SEL1L3: variants seen among roughly 807,000 people sequenced by gnomAD.
SEL1L3 encodes the protein protein sel-1 homolog 3.
A neutral mutation model predicts 142.8 loss-of-function variants in SEL1L3; 76 were observed. The observed-to-expected ratio is 0.53, with a 90% CI of 0.44 to 0.64. The LOEUF (loss-of-function observed/expected upper bound fraction) is 0.64, where lower values mean the gene tolerates loss of function less well. Among genes scored for constraint, SEL1L3 ranks in the 30% least tolerant of loss-of-function variants. The probability of loss-of-function intolerance (pLI) is 0.00; values close to 1 mark genes in which losing one functional copy is unlikely to be tolerated. For synonymous variants in SEL1L3, 504 were observed against 519.6 expected, an observed-to-expected ratio of 0.97 and a Z score of 0.41; for missense variants, 1,262 against 1,381.7, an observed-to-expected ratio of 0.91 and a Z score of 1.37.
chr4:25,755,251 TTTTTA>T (rs57302921), intron 23 of SEL1L3, among the ~76,000 whole-genome samples: 40,878 of 148,726 alleles, frequency 0.27, 6,133 homozygotes, highest in African/African-American at 0.39. Flanking sequence ...ACCTGGCTAA[TTTTTA>T]TTTTATTTTA....
At chr4:25,739,626 G>A in the SEL1L3 span, among the ~76,000 whole-genome samples, 2 of 151,864 alleles carry the variant, frequency 1.3e-5, no homozygotes, top group Non-Finnish European at 2.9e-5. Flanking sequence ...AGAATTGCTT[G>A]AACCCAGGAT....
intron 10 of SEL1L3, among the ~76,000 whole-genome samples, chr4:25,803,133 C>A (rs560227490): frequency 7.2e-4 from 109 of 152,220 alleles, no homozygotes; most frequent in Non-Finnish European, 1.3e-3. Context: ...CATCCTCACA[C>A]TCTCAGAATG....
intron 20 of SEL1L3, among the ~76,000 whole-genome samples, chr4:25,762,231 G>C (rs1006879316): frequency 6.6e-6 from 1 of 152,240 alleles, no homozygotes; most frequent in Admixed American, 6.5e-5. Context: ...TTACAGGCAT[G>C]AGCCACTGTG....
intron 2 of SEL1L3, among the ~76,000 whole-genome samples, chr4:25,842,850 A>G (rs1716259317): frequency 6.6e-6 from 1 of 152,236 alleles, no homozygotes; most frequent in Non-Finnish European, 1.5e-5. Context: ...AACTAAAGAT[A>G]TTTACTGAAA....
Position 25,788,596 on chromosome 4 carries a change from G to GTGTA in SEL1L3, c.2077-233_2077-232insTACA, listed in dbSNP as rs1712042177. Among the ~76,000 whole-genome samples, 6 of 150,342 alleles carry GTGTA rather than the reference G, an allele frequency of 4.0e-5. No individual in the cohort carries two copies. The highest frequency in any genetic ancestry group is 3.4e-3 in the Middle Eastern group (1 of 294). ...TGTGTGTGTGTGTGTGTGTGTGTGT[G>GTGTA]TGTGTGTGTGTGTGTGTGTGTGTGT... On this transcript the variant is annotated intron_variant, in intron 12 of 23. Coordinates refer to ENST00000399878, the MANE Select transcript of SEL1L3 (RefSeq NM_015187.5). The surrounding 1 kb of genome is among the most constrained non-coding windows in gnomAD (Gnocchi z 5.3).
At chr4:25,734,383 G>A in the SEL1L3 span, among the ~76,000 whole-genome samples, 3 of 151,986 alleles carry the variant, frequency 2.0e-5, no homozygotes, top group Non-Finnish European at 4.4e-5. Flanking sequence ...ATTGGATTTT[G>A]TCAAATGCTT....
intron 16 of SEL1L3, 94 bp from the exon 17 acceptor site, chr4:25,776,454 A>G: frequency 1.2e-6 from 1 of 851,060 alleles, no homozygotes; most frequent in South Asian, 1.6e-5. Flanking sequence ...CACTTGGGGA[A>G]TATTTTGCTA....
chr4:25,764,089 T>C (rs1464901042), intron 20 of SEL1L3, among the ~76,000 whole-genome samples: 3 of 152,180 alleles, frequency 2.0e-5, no homozygotes, highest in African/African-American at 7.2e-5. Flanking sequence ...GTAATAATCG[T>C]AATAGGCAAA....
chr4:25,745,389 AGTCTCAAAAAAAAAAAAAAGAAAGTGAG>A (rs1717227972), downstream of SEL1L3, among the ~76,000 whole-genome samples: 1 of 146,262 alleles, frequency 6.8e-6, no homozygotes, highest in South Asian at 2.1e-4. Flanking sequence ...AGCGAGACTC[AGTCTCAAAAAAAAAAAAAAGAAAGTGAG>A]GAAGGCAGAA....
chr4:25,819,588 G>C (rs1005843788), intron 8 of SEL1L3, among the ~76,000 whole-genome samples: 1 of 152,210 alleles, frequency 6.6e-6, no homozygotes, highest in Admixed American at 6.5e-5. Flanking sequence ...GCTATAAGAT[G>C]TTTTGGTTCT....
At chr4:25,772,629 GA>G (rs762565201) in intron 17 of SEL1L3, among the ~76,000 whole-genome samples, 2 of 146,660 alleles carry the variant, frequency 1.4e-5, no homozygotes, top group South Asian at 4.3e-4. Context: ...AAAAAGAAAA[GA>G]AAAAAAGAAG....
At chr4:25,797,572 T>C (rs1211298377) in intron 11 of SEL1L3, among the ~76,000 whole-genome samples, 2 of 152,070 alleles carry the variant, frequency 1.3e-5, no homozygotes, top group African/African-American at 4.8e-5. Flanking sequence ...CATACGATGG[T>C]GGTGCTGCAT....
intron 4 of SEL1L3, 89 bp downstream of exon 4, chr4:25,833,359 A>AAGC (rs1715567817): frequency 7.8e-7 from 1 of 1,283,196 alleles, no homozygotes; most frequent in Non-Finnish European, 1.1e-6. Context: ...TGTTGACAGG[A>AAGC]TCTTCCTTAT....
At chr4:25,780,551 C>T (rs1366589577) in intron 15 of SEL1L3, among the ~76,000 whole-genome samples, 3 of 151,790 alleles carry the variant, frequency 2.0e-5, no homozygotes, top group African/African-American at 7.3e-5. Flanking sequence ...CTTCTCAGGG[C>T]CTTTGCACTG....
At chr4:25,831,034 G>A (rs2109279384) in intron 5 of SEL1L3, among the ~76,000 whole-genome samples, 1 of 152,074 alleles carries the variant, frequency 6.6e-6, no homozygotes, top group Middle Eastern at 3.4e-3. Flanking sequence ...GAAAGAAGAA[G>A]GACAAATGGG....
chr4:25,790,432 A>G, intron 12 of SEL1L3, 23 bp downstream of exon 12: 1 of 1,613,024 alleles, frequency 6.2e-7, no homozygotes, highest in African/African-American at 1.3e-5. Context: ...CAGAATCCCC[A>G]AGACAGTAGC....
chr4:25,789,647 T>C lies in SEL1L3; in HGVS notation c.2076+808A>G, dbSNP rs1712151816. Among the ~76,000 whole-genome samples the C allele has an allele frequency of 2.0e-5, 3 of 151,836 alleles. No homozygotes were observed. The South Asian group carries it at 6.2e-4, about 32-fold the overall frequency. On this transcript the variant is annotated intron_variant, in intron 12 of 23. Coordinates refer to ENST00000399878, the MANE Select transcript of SEL1L3 (RefSeq NM_015187.5). The stretch of plus-strand genomic sequence containing the variant: ...TTTGTCAATGCCTGTGACTCCTTTC[T>C]TTTTTCTTTCCCTTTCCCATCTCTG...
At chr4:25,768,718 T>C (rs533044568) in intron 17 of SEL1L3, among the ~76,000 whole-genome samples, 3 of 152,260 alleles carry the variant, frequency 2.0e-5, no homozygotes, top group Admixed American at 2.0e-4. Context: ...AATTAACCCA[T>C]AGTGCAGCCA....
Position 25,818,371 on chromosome 4 carries a change from G to A in SEL1L3, c.1424-93C>T, listed in dbSNP as rs532882183. 256 of 1,131,994 alleles carry A rather than the reference G, an allele frequency of 2.3e-4. No individual in the cohort carries two copies. The East Asian group carries it at 7.2e-3, about 32-fold the overall frequency. The allele number at this position is 1,131,994 out of a possible 1,614,324, so 70.1% of individuals were successfully genotyped here. On this transcript the variant is annotated intron_variant, in intron 8 of 23. Coordinates refer to ENST00000399878, the MANE Select transcript of SEL1L3 (RefSeq NM_015187.5). ...CCTTCTTCCTAACAGGAACTAGAAA[G>A]ACTTGCCATTACTGGATGTTGGTTT...
Sources: gnomAD v4.1 joint callset for allele counts (sites outside exome capture counted in the v4.1 genomes callset) on GRCh38, gnomAD v4.1.1 for gene constraint, Gnocchi (gnomAD v3.1) non-coding constraint, MANE v1.5 for transcripts, NCBI Gene and HGNC (gene_info 2026-07-23, HGNC 2026-07-21) for gene names.